LOXHD1: variants seen among roughly 807,000 people sequenced by gnomAD.
The protein encoded by LOXHD1 is lipoxygenase homology PLAT domains 1.
LOXHD1 carries 205 observed loss-of-function variants against 248.2 expected under a neutral mutation model. That is an observed-to-expected ratio of 0.83 (90% CI 0.74 to 0.93). The LOEUF is 0.93. LOXHD1 is among the 40% of genes least tolerant of loss of function. The probability of loss-of-function intolerance (pLI) is 0.00; values close to 1 mark genes in which losing one functional copy is unlikely to be tolerated. For missense variants in LOXHD1, 2,930 were observed against 2,971.6 expected, an observed-to-expected ratio of 0.99 and a Z score of 0.33; for synonymous variants, 1,113 against 1,162.8, an observed-to-expected ratio of 0.96 and a Z score of 0.87.
At chr18:46,641,314 G>T (rs1335595266) in intron 3 of LOXHD1, among the ~76,000 whole-genome samples, 2 of 152,204 alleles carry the variant, frequency 1.3e-5, no homozygotes, top group Non-Finnish European at 2.9e-5. Flanking sequence ...CAATGGGCAT[G>T]AACTTGAATA....
In LOXHD1 at chr18:46,601,295, A is replaced by T; in HGVS notation, c.1056T>A (p.Ala352=). 1.3e-6 allele frequency: 2 copies of T among 1,551,724 alleles called. No individual in the cohort carries two copies. Among genetic ancestry groups the T allele is most frequent in the Non-Finnish European group, 8.7e-7 (1 of 1,147,008 alleles). ...CCCGACTCAGGGGGCTAAGGAGGAC[A>T]GCCAGCTCGATGTGGAAGATGTCCG... ...GRTDIFHIEL[A]VLLSPLSRVS... is the part of the protein sequence containing the mutation. Residue 352 remains alanine (A), a synonymous_variant, in exon 8 of 41, where the codon GCT becomes GCA. Coordinates refer to ENST00000642948, the MANE Select transcript of LOXHD1 (RefSeq NM_001384474.1).
At chr18:46,542,663 C>T (rs1568162153) in intron 24 of LOXHD1, 64 bp downstream of exon 24, 5 of 1,526,108 alleles carry the variant, frequency 3.3e-6, no homozygotes, top group East Asian at 4.9e-5. Context: ...TTCCCAGATG[C>T]CCACAAGGAC....
In LOXHD1 at chr18:46,545,430, A is replaced by T. The variant is rs531951197; in HGVS notation, c.3515-9T>A. 1 of 1,527,986 alleles carries T rather than the reference A, an allele frequency of 6.5e-7. No individual in the cohort carries two copies. The highest frequency in any genetic ancestry group is 1.2e-5 in the South Asian group (1 of 83,544). The allele number at this position is 1,527,986 out of a possible 1,614,324, so 94.7% of individuals were successfully genotyped here. On this transcript the variant is annotated splice_polypyrimidine_tract_variant and intron_variant, in intron 22 of 40. Transcript: ENST00000642948. ...GAATGTGGTAGATTTATCTGCCAAG[A>T]GAATAGTATAGAGCAATGAATTGTA...
At chr18:46,560,952 T>G (rs533973161) in intron 18 of LOXHD1, among the ~76,000 whole-genome samples, 1 of 152,346 alleles carries the variant, frequency 6.6e-6, no homozygotes, top group South Asian at 2.1e-4. Flanking sequence ...TACTTGCAGC[T>G]AAAATCTATT....
At chr18:46,553,552 C>G (rs1407346645) in intron 21 of LOXHD1, among the ~76,000 whole-genome samples, 1 of 152,236 alleles carries the variant, frequency 6.6e-6, no homozygotes, top group Non-Finnish European at 1.5e-5. Flanking sequence ...TATTAACCAT[C>G]ATTTTTACTC....
chr18:46,654,881 C>T (rs1490096716), intron 1 of LOXHD1, among the ~76,000 whole-genome samples: 4 of 152,180 alleles, frequency 2.6e-5, no homozygotes, highest in Admixed American at 2.6e-4. Flanking sequence ...TGCTCTTCTC[C>T]AGCTATTTTT....
chr18:46,563,354 C>A (rs1338076684), intron 17 of LOXHD1, 129 bp from the exon 18 acceptor site: 1 of 894,994 alleles, frequency 1.1e-6, no homozygotes, highest in Admixed American at 3.0e-5. Context: ...CTTATCTAAT[C>A]CTCTCCTCAA....
chr18:46,539,766 T>C (rs1472366616), intron 25 of LOXHD1, among the ~76,000 whole-genome samples: 2 of 152,112 alleles, frequency 1.3e-5, no homozygotes, highest in Admixed American at 1.3e-4. Flanking sequence ...ATGTGTACAA[T>C]TGCTCTGGGT....
chr18:46,651,017 C>T (rs1206050347), intron 1 of LOXHD1, among the ~76,000 whole-genome samples: 1 of 152,202 alleles, frequency 6.6e-6, no homozygotes, highest in Non-Finnish European at 1.5e-5. Context: ...CAAATAGTAA[C>T]CTGGTTTTAA....
At chr18:46,484,688 A>T (rs1165814522) in intron 39 of LOXHD1, among the ~76,000 whole-genome samples, 1 of 152,112 alleles carries the variant, frequency 6.6e-6, no homozygotes, top group Non-Finnish European at 1.5e-5. Context: ...GAGAGTGAGG[A>T]GATGAAGTGG....
At chr18:46,644,631 T>A (rs1947692481) in intron 2 of LOXHD1, among the ~76,000 whole-genome samples, 1 of 151,864 alleles carries the variant, frequency 6.6e-6, no homozygotes, top group Non-Finnish European at 1.5e-5. Context: ...GGCGGGAGAA[T>A]CACTTGAGCC....
rs182232514 is a variant in LOXHD1, at chr18:46,604,754, C to T, written c.760-525G>A. On this transcript the variant is annotated intron_variant, in intron 6 of 40. Coordinates refer to ENST00000642948, the MANE Select transcript of LOXHD1 (RefSeq NM_001384474.1). ...CTAATGGACTCTATGATGCCTCCCT[C>T]AGGGACTCCCATGCGAGCTAAGTTA... is the stretch of plus-strand genomic sequence containing the variant. 2.6e-3 allele frequency among the ~76,000 whole-genome samples: 391 copies of T among 152,004 alleles called. 1 individual carries two copies. The highest frequency in any genetic ancestry group is 4.1e-3 in the Non-Finnish European group (277 of 67,830).
At position 46,509,812 on chromosome 18, in the gene LOXHD1, A is replaced by C. The variant is rs997317398; in HGVS notation, c.5403T>G (p.Phe1801Leu). ...EMQLDKKKAR[F>L]EREQNDTFIM... ...TGAAGGTGTCGTTCTGCTCCCGCTC[A>C]AACCTGGGGGTGGAGAGGAGGGGCA... is the stretch of plus-strand genomic sequence containing the variant. Residue 1801 changes from phenylalanine to leucine, a missense_variant, in exon 35 of 41, where the codon TTT becomes TTG. Phe to Leu is a conservative substitution (Grantham distance 22). Transcript: ENST00000642948. 3 of 1,548,108 alleles carry C rather than the reference A, an allele frequency of 1.9e-6. No individual in the cohort carries two copies. In the African/African-American group the frequency reaches 4.1e-5, roughly 21 times the overall value.
intron 6 of LOXHD1, among the ~76,000 whole-genome samples, chr18:46,608,570 A>C (rs926011703): frequency 1.3e-5 from 2 of 152,152 alleles, no homozygotes; most frequent in African/African-American, 4.8e-5. Context: ...TGAGGTCATA[A>C]AATGCACAGG....
intron 31 of LOXHD1, 39 bp from the exon 32 acceptor site, chr18:46,522,348 G>C (rs758863468): frequency 6.6e-6 from 10 of 1,505,966 alleles, no homozygotes; most frequent in South Asian, 4.8e-5. Context: ...TAACAGACCA[G>C]ATAGACAAGG....
chr18:46,636,758 T>C (rs2038897792), intron 4 of LOXHD1, among the ~76,000 whole-genome samples: 1 of 152,244 alleles, frequency 6.6e-6, no homozygotes, highest in Non-Finnish European at 1.5e-5. Flanking sequence ...ATAGACCCCA[T>C]TTTTATCATC....
chr18:46,485,324 C>T (rs962180580), intron 38 of LOXHD1, among the ~76,000 whole-genome samples, 173 bp from the exon 39 acceptor site: 3 of 151,712 alleles, frequency 2.0e-5, no homozygotes, highest in African/African-American at 7.3e-5. Context: ...AGAATCTGCC[C>T]GGATTCTGGG....
chr18:46,533,643 G>C, intron 27 of LOXHD1: 1 of 330,524 alleles, frequency 3.0e-6, no homozygotes, highest in South Asian at 3.0e-5. Flanking sequence ...GCTCCCTCTG[G>C]CTGGGCATGG....
Position 46,560,437 on chromosome 18 carries a change from C to T in LOXHD1, c.2707G>A (p.Val903Met), listed in dbSNP as rs368543971. Residue 903 changes from valine (V) to methionine (M), a missense_variant, in exon 19 of 41, where the codon GTG becomes ATG. Val to Met is a conservative substitution (Grantham distance 21, BLOSUM62 1). Coordinates refer to ENST00000642948, the MANE Select transcript of LOXHD1 (RefSeq NM_001384474.1). ...VDTVWLRHLV[V>M]REVDLTPEEE... ...TCCGGCGTGAGGTCCACCTCCCGCACCACCAGGTGCCGCAGCCACACGGTG... is the reference window on the plus strand; with the variant it reads ...TCCGGCGTGAGGTCCACCTCCCGCATCACCAGGTGCCGCAGCCACACGGTG... 45 of 1,545,118 alleles carry T rather than the reference C, an allele frequency of 2.9e-5. No homozygotes were observed. Among genetic ancestry groups the T allele is most frequent in the African/African-American group, 2.9e-4 (21 of 73,048 alleles).
Sources: allele counts gnomAD v4.1 joint callset (sites outside exome capture counted in the v4.1 genomes callset), GRCh38; gene constraint gnomAD v4.1.1; transcripts MANE v1.5; gene names NCBI Gene and HGNC (gene_info 2026-07-23, HGNC 2026-07-21).